ZMYM2: variants seen among roughly 807,000 people sequenced by gnomAD.
ZMYM2 encodes zinc finger MYM-type containing 2.
Under a neutral mutation model 162.8 loss-of-function variants are expected in ZMYM2, and 56 were observed. The ratio of observed to expected loss-of-function variants is 0.34; its 90% CI spans 0.28 to 0.43. ZMYM2 has a LOEUF of 0.43. ZMYM2 is among the 20% of genes least tolerant of loss of function. The pLI is 1.00. For synonymous variants in ZMYM2, 510 were observed against 541.6 expected, an observed-to-expected ratio of 0.94 and a Z score of 0.81; for missense variants, 1,275 against 1,621.8, an observed-to-expected ratio of 0.79 and a Z score of 3.67.
chr13:19,994,664 AT>A (rs1167212178), intron 3 of ZMYM2, among the ~76,000 whole-genome samples: 1 of 151,718 alleles, frequency 6.6e-6, no homozygotes, highest in Non-Finnish European at 1.5e-5. Flanking sequence ...TAATTTTTGT[AT>A]TTTGTATGGG....
chr13:20,067,660 A>G (rs1159915261), intron 21 of ZMYM2, among the ~76,000 whole-genome samples: 1 of 152,214 alleles, frequency 6.6e-6, no homozygotes, highest in Non-Finnish European at 1.5e-5. Context: ...GAAAAATGTC[A>G]TAACTCTGTA....
At chr13:20,022,964 A>G (rs1952249694) in intron 7 of ZMYM2, among the ~76,000 whole-genome samples, 1 of 152,256 alleles carries the variant, frequency 6.6e-6, no homozygotes, top group South Asian at 2.1e-4. Flanking sequence ...AATATTTTTT[A>G]AATTTTTGAA....
chr13:19,979,041 T>C (rs970654265), intron 2 of ZMYM2, among the ~76,000 whole-genome samples: 3 of 152,122 alleles, frequency 2.0e-5, no homozygotes, highest in South Asian at 2.1e-4. Flanking sequence ...TTTTCCCCCC[T>C]CTTTCTGTTA....
At chr13:19,971,606 A>G (rs1594090642) in intron 2 of ZMYM2, among the ~76,000 whole-genome samples, 2 of 151,916 alleles carry the variant, frequency 1.3e-5, no homozygotes, top group East Asian at 1.9e-4. Context: ...TATTCTGGGG[A>G]ATATAGTAAG....
the ZMYM2 span, among the ~76,000 whole-genome samples, chr13:19,899,836 A>AAAAAAAAAAAG: frequency 2.5e-5 from 3 of 120,838 alleles, no homozygotes; most frequent in Admixed American, 8.6e-5. Context: ...AAAAAAAAAA[A>AAAAAAAAAAAG]AAGGAAAACA....
At chr13:20,013,188 G>C (rs1363616763) in intron 6 of ZMYM2, among the ~76,000 whole-genome samples, 1 of 152,048 alleles carries the variant, frequency 6.6e-6, no homozygotes, top group Admixed American at 6.6e-5. Context: ...CTCCTTTGCT[G>C]CATTTATTCC....
chr13:20,005,341 AATAT>A (rs1566274569), intron 5 of ZMYM2, 102 bp downstream of exon 5: 8 of 835,968 alleles, frequency 9.6e-6, no homozygotes, highest in Non-Finnish European at 1.4e-5. Flanking sequence ...CTTAAAAATG[AATAT>A]ATATAAAGAC....
At chr13:20,020,579 C>T (rs754668227) in intron 7 of ZMYM2, among the ~76,000 whole-genome samples, 2 of 152,088 alleles carry the variant, frequency 1.3e-5, no homozygotes, top group African/African-American at 2.4e-5. Flanking sequence ...TCTTCTGAGA[C>T]CCCAATTCCA....
chr13:19,884,593 T>C, the ZMYM2 span, among the ~76,000 whole-genome samples: 1 of 151,638 alleles, frequency 6.6e-6, no homozygotes, highest in African/African-American at 2.4e-5. Context: ...AAAAAAGCCG[T>C]GGTCCTCACG....
In ZMYM2 at chr13:20,089,072, T is replaced by C. The variant is rs908964686; in HGVS notation, c.*3058T>C. 1 of 197,906 alleles carries C rather than the reference T, an allele frequency of 5.1e-6. No individual in the cohort carries two copies. Among genetic ancestry groups the C allele is most frequent in the African/African-American group, 2.3e-5 (1 of 43,424 alleles). The allele number at this position is 197,906 out of a possible 1,614,324, so 12.3% of individuals were successfully genotyped here. On this transcript the variant is annotated 3_prime_UTR_variant, in exon 25 of 25. Transcript: ENST00000610343. ...GTTCCCCTCAAAATAGTCATGAAAGTGTACATGAAAATATTTTTAAAGAAT... is the reference window on the plus strand; with the variant it reads ...GTTCCCCTCAAAATAGTCATGAAAGCGTACATGAAAATATTTTTAAAGAAT...
intron 17 of ZMYM2, 119 bp downstream of exon 17, chr13:20,061,343 CATT>C: frequency 8.8e-7 from 1 of 1,139,110 alleles, no homozygotes; most frequent in Non-Finnish European, 1.2e-6. Flanking sequence ...GTGAGGAAAG[CATT>C]GTAACAAAAA....
intron 11 of ZMYM2, among the ~76,000 whole-genome samples, chr13:20,036,524 T>C (rs932177937): frequency 6.6e-6 from 1 of 152,196 alleles, no homozygotes; most frequent in African/African-American, 2.4e-5. Context: ...TTTAATATCT[T>C]GAAACATTAT....
At chr13:20,063,841 T>TATACATCATGATGTATATAATATATAA (rs1566433905) in intron 18 of ZMYM2, among the ~76,000 whole-genome samples, 1 of 43,900 alleles carries the variant, frequency 2.3e-5, no homozygotes, top group Admixed American at 3.1e-4. Context: ...TTTTATATAT[T>TATACATCATGATGTATATAATATATAA]ATATACATCA....
chr13:20,021,955 T>C (rs1952147250), intron 7 of ZMYM2, among the ~76,000 whole-genome samples: 1 of 152,170 alleles, frequency 6.6e-6, no homozygotes, highest in South Asian at 2.1e-4. Context: ...GAAAGACTTG[T>C]GTTTCCTCAA....
chr13:19,903,112 T>G, the ZMYM2 span, among the ~76,000 whole-genome samples: 1 of 151,990 alleles, frequency 6.6e-6, no homozygotes, highest in East Asian at 1.9e-4. Flanking sequence ...GCTGAGATGG[T>G]GTCATTGCAC....
At chr13:19,941,026 T>G in the ZMYM2 span, among the ~76,000 whole-genome samples, 2 of 152,026 alleles carry the variant, frequency 1.3e-5, no homozygotes, top group African/African-American at 2.4e-5. Context: ...AGACAAAAAC[T>G]TGGCAGGGTG....
At chr13:19,994,837 T>G (rs1300916118) in intron 3 of ZMYM2, among the ~76,000 whole-genome samples, 2 of 151,944 alleles carry the variant, frequency 1.3e-5, no homozygotes, top group South Asian at 2.1e-4. Context: ...ATTTAATTAA[T>G]TAGTTAATTT....
chr13:19,881,037 T>C, the ZMYM2 span, among the ~76,000 whole-genome samples: 1 of 151,708 alleles, frequency 6.6e-6, no homozygotes, highest in African/African-American at 2.4e-5. Flanking sequence ...TACAGGCACG[T>C]GCCACCACGC....
chr13:19,894,617 A>G, the ZMYM2 span, among the ~76,000 whole-genome samples: 1 of 151,962 alleles, frequency 6.6e-6, no homozygotes, highest in African/African-American at 2.4e-5. Flanking sequence ...ATCGTTGGAC[A>G]GGCGTGAGCC....
Sources: allele counts gnomAD v4.1 joint callset (sites outside exome capture counted in the v4.1 genomes callset), GRCh38; gene constraint gnomAD v4.1.1; transcripts MANE v1.5; gene names NCBI Gene and HGNC (gene_info 2026-07-23, HGNC 2026-07-21).